Variants in CLVS1 observed in about 807,000 individuals in gnomAD.
The protein encoded by CLVS1 is clavesin 1.
In CLVS1, 10 loss-of-function variants were observed where a neutral mutation model predicts 33.1. The observed-to-expected ratio is 0.30, with a 90% CI of 0.19 to 0.51. CLVS1 has a LOEUF of 0.51. Ranked by LOEUF, CLVS1 falls within the 20% of genes least tolerant of loss-of-function variation. The pLI is 0.97. For synonymous variants in CLVS1, 163 were observed against 166.1 expected (o/e 0.98, Z 0.14); for missense variants, 343 against 433.4 (o/e 0.79, Z 1.85).
the CLVS1 span, among the ~76,000 whole-genome samples, chr8:60,991,744 C>CTTTTTT: frequency 1.7e-5 from 2 of 118,960 alleles, no homozygotes; most frequent in Non-Finnish European, 3.4e-5. Context: ...AAGCCCCACT[C>CTTTTTT]TTTTTTTTTT....
chr8:61,197,884 G>A (rs1807649471), intron 2 of CLVS1, among the ~76,000 whole-genome samples: 1 of 152,164 alleles, frequency 6.6e-6, no homozygotes, highest in Admixed American at 6.5e-5. Flanking sequence ...AAGTCCTATA[G>A]TCACTGTTCT....
intron 1 of CLVS1, among the ~76,000 whole-genome samples, chr8:61,098,402 G>GATATATATATAT (rs59671943): frequency 1.5e-4 from 22 of 143,982 alleles, no homozygotes; most frequent in African/African-American, 4.4e-4. Flanking sequence ...TAGGGAAACT[G>GATATATATATAT]ATATATATAT....
chr8:61,314,765 G>T (rs558688342), intron 2 of CLVS1, among the ~76,000 whole-genome samples: 159 of 152,152 alleles, frequency 1.0e-3, no homozygotes, highest in Non-Finnish European at 1.6e-3. Context: ...TATCTTTTTT[G>T]TTGTTGTTGT....
At chr8:61,011,712 G>T in the CLVS1 span, among the ~76,000 whole-genome samples, 18 of 152,296 alleles carry the variant, frequency 1.2e-4, 1 homozygote, top group South Asian at 3.1e-3. Flanking sequence ...GTCCCAAAGT[G>T]CTGGGATTAC....
intron 1 of CLVS1, among the ~76,000 whole-genome samples, chr8:61,120,941 C>G (rs1384643578): frequency 1.3e-5 from 2 of 149,128 alleles, no homozygotes; most frequent in Non-Finnish European, 3.0e-5. Flanking sequence ...CCTAAGCAAG[C>G]CTGGGCAATG....
intron 1 of CLVS1, among the ~76,000 whole-genome samples, chr8:61,068,820 G>A (rs576417445): frequency 1.1e-4 from 17 of 152,140 alleles, no homozygotes; most frequent in Admixed American, 6.5e-4. Flanking sequence ...CACACCTCCC[G>A]GGGTCTCTCG....
intron 2 of CLVS1, among the ~76,000 whole-genome samples, chr8:61,234,050 C>T (rs1415203523): frequency 2.0e-5 from 3 of 152,266 alleles, no homozygotes; most frequent in African/African-American, 7.2e-5. Flanking sequence ...TCTTTCCCTG[C>T]CCTACTTGGG....
chr8:61,345,331 A>G (rs73682263), intron 2 of CLVS1, among the ~76,000 whole-genome samples: 4,539 of 152,282 alleles, frequency 0.03, 119 homozygotes, highest in African/African-American at 0.067. Flanking sequence ...AATCACATTT[A>G]CTTTTTTATT....
chr8:61,313,570 T>C (rs141363739), intron 2 of CLVS1, among the ~76,000 whole-genome samples: 3 of 152,302 alleles, frequency 2.0e-5, no homozygotes, highest in Admixed American at 1.3e-4. Context: ...ATGCTCCTCT[T>C]TACCTTACAC....
chr8:61,137,612 G>A lies in CLVS1; in HGVS notation c.-152+5752G>A, dbSNP rs1282399188. On this transcript the variant is annotated intron_variant, in intron 2 of 2. Transcript: ENST00000522621. ...CGTCTTCATGTTGCCCTCCTGAGTCGCAAGTCTTACACTCTTGCCAGACTG... is the reference window on the plus strand; with the variant it reads ...CGTCTTCATGTTGCCCTCCTGAGTCACAAGTCTTACACTCTTGCCAGACTG... 3.3e-5 allele frequency among the ~76,000 whole-genome samples: 5 copies of A among 152,038 alleles called. No homozygotes were observed. The East Asian group carries it at 5.8e-4, about 18-fold the overall frequency.
At chr8:61,083,552 A>G (rs986599572) in intron 1 of CLVS1, among the ~76,000 whole-genome samples, 1 of 152,198 alleles carries the variant, frequency 6.6e-6, no homozygotes, top group Non-Finnish European at 1.5e-5. Flanking sequence ...GACAGGCATC[A>G]ACGTGAACAG....
chr8:61,023,341 C>A, the CLVS1 span, among the ~76,000 whole-genome samples: 1 of 152,194 alleles, frequency 6.6e-6, no homozygotes, highest in Non-Finnish European at 1.5e-5. Context: ...ATTATTCTGT[C>A]CTCAATTTGT....
At chr8:61,334,852 A>T (rs1253221247) in intron 2 of CLVS1, among the ~76,000 whole-genome samples, 2 of 152,030 alleles carry the variant, frequency 1.3e-5, no homozygotes, top group African/African-American at 2.4e-5. Flanking sequence ...AGACAGGGGA[A>T]TTGCAATAGA....
intron 2 of CLVS1, among the ~76,000 whole-genome samples, chr8:61,136,711 G>A (rs1395155432): frequency 6.6e-6 from 1 of 152,160 alleles, no homozygotes; most frequent in Non-Finnish European, 1.5e-5. Context: ...AGGAGGGAGA[G>A]GATCAGGAAA....
chr8:61,459,745 A>G (rs1029436409), intron 5 of CLVS1, among the ~76,000 whole-genome samples: 7 of 152,180 alleles, frequency 4.6e-5, no homozygotes, highest in African/African-American at 1.4e-4. Context: ...ACACACCCAT[A>G]AAAAACATCT....
chr8:61,347,787 A>G (rs1024642382), intron 2 of CLVS1, among the ~76,000 whole-genome samples: 1 of 150,108 alleles, frequency 6.7e-6, no homozygotes, highest in Non-Finnish European at 1.5e-5. Flanking sequence ...TTGGCTATAT[A>G]CTCAGAGGTG....
intron 2 of CLVS1, among the ~76,000 whole-genome samples, chr8:61,239,764 A>G (rs909741218): frequency 6.6e-6 from 1 of 152,162 alleles, no homozygotes; most frequent in Non-Finnish European, 1.5e-5. Flanking sequence ...TCAATACAAA[A>G]ACTCATTTTT....
intron 2 of CLVS1, among the ~76,000 whole-genome samples, chr8:61,153,328 A>G (rs1806580664): frequency 6.6e-6 from 1 of 152,210 alleles, no homozygotes; most frequent in African/African-American, 2.4e-5. Flanking sequence ...TGCCTAATCA[A>G]GAAGCTGCAA....
At chr8:61,108,465 C>A (rs1387882529) in intron 1 of CLVS1, among the ~76,000 whole-genome samples, 1 of 152,060 alleles carries the variant, frequency 6.6e-6, no homozygotes, top group Non-Finnish European at 1.5e-5. Flanking sequence ...TAATCTATTC[C>A]AATCTCTGTT....
Sources: allele counts gnomAD v4.1 joint callset (sites outside exome capture counted in the v4.1 genomes callset), GRCh38; gene constraint gnomAD v4.1.1; transcripts MANE v1.5; gene names NCBI Gene and HGNC (gene_info 2026-07-23, HGNC 2026-07-21).